The following RCOR1 variants were observed in gnomAD, a reference collection of about 807,000 sequenced individuals.
The protein encoded by RCOR1 is REST corepressor.
A neutral mutation model predicts 64.0 loss-of-function variants in RCOR1; 12 were observed. The observed-to-expected ratio is 0.19, with a 90% CI of 0.12 to 0.30. RCOR1 has a LOEUF of 0.30. Among genes scored for constraint, RCOR1 ranks in the 10% least tolerant of loss-of-function variants. The pLI, the probability that RCOR1 is intolerant of heterozygous loss-of-function variation, is 1.00. For synonymous variants in RCOR1, 279 were observed against 227.2 expected, an observed-to-expected ratio of 1.23 and a Z score of -2.05; for missense variants, 502 against 621.2, an observed-to-expected ratio of 0.81 and a Z score of 2.04.
Position 102,593,253 on chromosome 14 carries a change from G to T in RCOR1, c.302-13G>T. 1 of 1,515,910 alleles carries T rather than the reference G, an allele frequency of 6.6e-7. No homozygotes were observed. Among genetic ancestry groups the T allele is most frequent in the Non-Finnish European group, 8.8e-7 (1 of 1,136,748 alleles). 93.9% of individuals were successfully genotyped at this position (1,515,910 alleles called of 1,614,324 possible). A position where few individuals can be genotyped will look rare whatever the true frequency, so the allele number is the denominator to read the frequency against. Reference sequence around the variant, plus strand: ...CGCGCCGCGCTGACCGCCGTATTCTGCTTCCCCCGCAGGTGGCGGTGGCAT... The same window carrying T: ...CGCGCCGCGCTGACCGCCGTATTCTTCTTCCCCCGCAGGTGGCGGTGGCAT... On this transcript the variant is annotated splice_polypyrimidine_tract_variant and intron_variant, in intron 1 of 11. Coordinates refer to ENST00000262241, the MANE Select transcript of RCOR1 (RefSeq NM_015156.4).
intron 2 of RCOR1, among the ~76,000 whole-genome samples, chr14:102,596,873 G>A (rs1055514937): frequency 8.7e-6 from 1 of 114,746 alleles, no homozygotes; most frequent in Admixed American, 9.4e-5. Context: ...CCCTCCCCCC[G>A]CCTTTTTTTT....
At chr14:102,637,408 T>G (rs1190340) in intron 2 of RCOR1, among the ~76,000 whole-genome samples, 120,629 of 151,596 alleles carry the variant, frequency 0.8, 48,252 homozygotes, top group Middle Eastern at 0.87. Context: ...GATTACAGAC[T>G]TGAGCCACTG....
Position 102,711,029 on chromosome 14 carries a change from A to C in RCOR1, c.858+16A>C. The C allele has an allele frequency of 1.3e-6, 2 of 1,524,662 alleles. No homozygotes were observed. The highest frequency in any genetic ancestry group is 1.8e-6 in the Non-Finnish European group (2 of 1,114,948). 94.4% of individuals were successfully genotyped at this position (1,524,662 alleles called of 1,614,324 possible). A position where few individuals can be genotyped will look rare whatever the true frequency, so the allele number is the denominator to read the frequency against. ...CAAAAAGGAGGTATTTTTTCCCCCT[A>C]GTATTGTTTAGGCGAATAAATTTTA... is the stretch of plus-strand genomic sequence containing the variant. On this transcript the variant is annotated intron_variant, in intron 7 of 11. Coordinates refer to ENST00000262241, the MANE Select transcript of RCOR1 (RefSeq NM_015156.4).
At chr14:102,604,619 G>A (rs150036814) in intron 2 of RCOR1, among the ~76,000 whole-genome samples, 206 of 152,302 alleles carry the variant, frequency 1.4e-3, no homozygotes, top group African/African-American at 4.7e-3. Flanking sequence ...AATCCAGTCC[G>A]AGAGGCCCTC....
chr14:102,702,700 C>G (rs1895776167), intron 4 of RCOR1, among the ~76,000 whole-genome samples: 1 of 152,004 alleles, frequency 6.6e-6, no homozygotes, highest in Non-Finnish European at 1.5e-5. Flanking sequence ...TGGAGGCAAG[C>G]CTACAACCAA....
chr14:102,677,235 G>A (rs1232487763), intron 2 of RCOR1, among the ~76,000 whole-genome samples: 2 of 131,750 alleles, frequency 1.5e-5, no homozygotes, highest in African/African-American at 6.1e-5. Flanking sequence ...CCTCCCGGAC[G>A]GGGTGGCTGG....
At chr14:102,678,126 A>G (rs1895229445) in intron 2 of RCOR1, among the ~76,000 whole-genome samples, 1 of 151,154 alleles carries the variant, frequency 6.6e-6, no homozygotes, top group Non-Finnish European at 1.5e-5. Context: ...TCAGGCAGGG[A>G]GGTTGCAGTG....
intron 2 of RCOR1, among the ~76,000 whole-genome samples, chr14:102,668,389 G>T (rs1446897904): frequency 6.6e-6 from 1 of 152,186 alleles, no homozygotes; most frequent in African/African-American, 2.4e-5. Context: ...CTTCAGGTCA[G>T]GTAAGCAGTG....
chr14:102,592,718 G>C lies in RCOR1; in HGVS notation c.-169G>C. 8.2e-7 allele frequency: 1 copy of C among 1,225,858 alleles called. No homozygotes were observed. Among genetic ancestry groups the C allele is most frequent in the Non-Finnish European group, 1.0e-6 (1 of 984,244 alleles). 75.9% of individuals were successfully genotyped at this position (1,225,858 alleles called of 1,614,324 possible). ...CGGCTCGTCGCTGGGGGCTTGAAGC[G>C]GCTCCGCGCTCTGCCCGTTTGGGCC... On this transcript the variant is annotated 5_prime_UTR_variant, in exon 1 of 12. Transcript: ENST00000262241.
chr14:102,651,942 G>A (rs1045160047), intron 2 of RCOR1, among the ~76,000 whole-genome samples: 20 of 152,188 alleles, frequency 1.3e-4, no homozygotes, highest in African/African-American at 4.3e-4. Context: ...TTGATTCTCA[G>A]TAGGCTTCAT....
intron 2 of RCOR1, among the ~76,000 whole-genome samples, chr14:102,623,084 C>G (rs1893907465): frequency 6.6e-6 from 1 of 152,078 alleles, no homozygotes; most frequent in Admixed American, 6.6e-5. Flanking sequence ...TATGTCTGAA[C>G]AGGTTTTCAT....
In RCOR1 at chr14:102,604,938, G is replaced by A. The variant is rs113442845; in HGVS notation, c.361+11613G>A. On this transcript the variant is annotated intron_variant, in intron 2 of 11. Transcript: ENST00000262241. ...TCTCTACTAAAAATACAAAAAATTA[G>A]CCAGGCTATAATCCCAGCATTTTGG... 6.7e-3 allele frequency among the ~76,000 whole-genome samples: 1,011 copies of A among 151,884 alleles called. 13 individuals carry two copies. Among genetic ancestry groups the A allele is most frequent in the African/African-American group, 0.024 (975 of 41,452 alleles).
At chr14:102,708,673 C>T in intron 6 of RCOR1, 90 bp downstream of exon 6, 3 of 709,586 alleles carry the variant, frequency 4.2e-6, no homozygotes, top group Non-Finnish European at 7.5e-6. Context: ...GACTGGTTTT[C>T]CCTCCGCGCC....
chr14:102,667,709 T>A (rs1248143591), intron 2 of RCOR1, among the ~76,000 whole-genome samples: 1 of 151,972 alleles, frequency 6.6e-6, no homozygotes, highest in African/African-American at 2.4e-5. Context: ...TCGAAGAGAT[T>A]AGTGGATGGG....
At chr14:102,650,630 A>T (rs1044572434) in intron 2 of RCOR1, among the ~76,000 whole-genome samples, 154 of 152,290 alleles carry the variant, frequency 1.0e-3, no homozygotes, top group African/African-American at 3.4e-3. Flanking sequence ...TAAGCCACTT[A>T]ATTTTCCTAT....
At chr14:102,675,417 T>C (rs1394129892) in intron 2 of RCOR1, among the ~76,000 whole-genome samples, 1 of 152,108 alleles carries the variant, frequency 6.6e-6, no homozygotes, top group East Asian at 1.9e-4. Context: ...CAAAAAATAA[T>C]AAAATGAACA....
At chr14:102,668,745 G>T in intron 2 of RCOR1, among the ~76,000 whole-genome samples, 1 of 152,052 alleles carries the variant, frequency 6.6e-6, no homozygotes, top group Admixed American at 6.6e-5. Flanking sequence ...CAAGTGAATA[G>T]AGCATTTATT....
At chr14:102,595,639 G>C (rs1871180679) in intron 2 of RCOR1, among the ~76,000 whole-genome samples, 1 of 151,550 alleles carries the variant, frequency 6.6e-6, no homozygotes, top group South Asian at 2.1e-4. Flanking sequence ...GTGCGCAGTG[G>C]TGTGATCTCA....
intron 2 of RCOR1, among the ~76,000 whole-genome samples, chr14:102,602,658 C>T (rs1176211093): frequency 6.6e-6 from 1 of 152,114 alleles, no homozygotes; most frequent in Non-Finnish European, 1.5e-5. Flanking sequence ...TCTCCCGCAT[C>T]GGCCTCCCAA....
Sources: allele counts gnomAD v4.1 joint callset (sites outside exome capture counted in the v4.1 genomes callset), GRCh38; gene constraint gnomAD v4.1.1; transcripts MANE v1.5; gene names NCBI Gene and HGNC (gene_info 2026-07-23, HGNC 2026-07-21).